The following HS3ST2 variants were observed in gnomAD, a reference collection of about 807,000 sequenced individuals.
The protein encoded by HS3ST2 is heparan sulfate-glucosamine 3-sulfotransferase 2.
HS3ST2 carries 17 observed loss-of-function variants against 26.3 expected under a neutral mutation model. The ratio of observed to expected loss-of-function variants is 0.65; its 90% CI spans 0.44 to 0.97. The LOEUF is 0.97. HS3ST2 is among the 50% of genes least tolerant of loss of function. The pLI, the probability that HS3ST2 is intolerant of heterozygous loss-of-function variation, is 0.00. For synonymous variants in HS3ST2, 237 were observed against 219.2 expected, an observed-to-expected ratio of 1.08 and a Z score of -0.72; for missense variants, 402 against 501.2, an observed-to-expected ratio of 0.80 and a Z score of 1.89.
chr16:22,840,629 G>T (rs1375095989), intron 1 of HS3ST2, among the ~76,000 whole-genome samples: 2 of 152,228 alleles, frequency 1.3e-5, no homozygotes, highest in East Asian at 1.9e-4. Flanking sequence ...TGGTGTCAGG[G>T]TGCATACAAG....
intron 1 of HS3ST2, among the ~76,000 whole-genome samples, chr16:22,834,468 G>A (rs1455872126): frequency 6.6e-6 from 1 of 151,948 alleles, no homozygotes. Context: ...CATTTTAAAT[G>A]CTCAGAATTA....
chr16:22,858,833 T>C (rs1596616737), intron 1 of HS3ST2, among the ~76,000 whole-genome samples: 1 of 152,158 alleles, frequency 6.6e-6, no homozygotes, highest in Non-Finnish European at 1.5e-5. Context: ...ATCAGTATAA[T>C]AAAGAAAGCT....
chr16:22,914,509 T>C (rs1279243449), intron 1 of HS3ST2, among the ~76,000 whole-genome samples: 1 of 151,808 alleles, frequency 6.6e-6, no homozygotes, highest in Non-Finnish European at 1.5e-5. Flanking sequence ...TGTTCGAGAC[T>C]AGCCTGGCAA....
chr16:22,831,479 C>T (rs535333563), intron 1 of HS3ST2, among the ~76,000 whole-genome samples: 2 of 152,110 alleles, frequency 1.3e-5, no homozygotes, highest in South Asian at 4.1e-4. Flanking sequence ...AGATTCAGCT[C>T]CGCAGTATTT....
At chr16:22,871,988 G>A (rs1286444786) in intron 1 of HS3ST2, among the ~76,000 whole-genome samples, 8 of 152,164 alleles carry the variant, frequency 5.3e-5, no homozygotes, top group South Asian at 4.1e-4. Context: ...CCAGTGTAAC[G>A]ATTACAGATG....
chr16:22,855,153 A>G (rs570446003), intron 1 of HS3ST2, among the ~76,000 whole-genome samples: 1 of 152,288 alleles, frequency 6.6e-6, no homozygotes, highest in South Asian at 2.1e-4. Flanking sequence ...CCATTTTATG[A>G]CATTGGCATT....
chr16:22,829,001 G>C (rs1006307320), intron 1 of HS3ST2, among the ~76,000 whole-genome samples: 1 of 152,156 alleles, frequency 6.6e-6, no homozygotes, highest in Non-Finnish European at 1.5e-5. Context: ...AAGTACTCAG[G>C]TCAGAGCCAC....
rs117433747 is a variant in HS3ST2 at position 22,815,145 on chromosome 16, T to C, written c.485+50T>C. On this transcript the variant is annotated intron_variant, in intron 1 of 1. Coordinates refer to ENST00000261374, the MANE Select transcript of HS3ST2 (RefSeq NM_006043.2). ...TGCGCCGGGTCTCTGATCGCTTCCATTGGGAGAGCCATCCGTCTCTTGTGT... is the reference window on the plus strand; with the variant it reads ...TGCGCCGGGTCTCTGATCGCTTCCACTGGGAGAGCCATCCGTCTCTTGTGT... 571 of 1,598,122 alleles carry C rather than the reference T, an allele frequency of 3.6e-4. 4 individuals carry two copies. In the East Asian group the frequency reaches 0.012, roughly 33 times the overall value.
At chr16:22,856,761 T>C (rs1430796083) in intron 1 of HS3ST2, among the ~76,000 whole-genome samples, 1 of 152,168 alleles carries the variant, frequency 6.6e-6, no homozygotes, top group Admixed American at 6.5e-5. Flanking sequence ...AGCTGTACTT[T>C]GCAATCAGGA....
intron 1 of HS3ST2, among the ~76,000 whole-genome samples, chr16:22,913,148 AAGGGAGGGAGGGAGGG>A (rs1187278304): frequency 1.9e-3 from 169 of 88,116 alleles, no homozygotes; most frequent in Admixed American, 4.3e-3. Flanking sequence ...GGAAGGAAGG[AAGGGAGGGAGGGAGGG>A]AGGGAGGGAG....
At chr16:22,894,021 A>G (rs771304101) in intron 1 of HS3ST2, among the ~76,000 whole-genome samples, 4 of 152,104 alleles carry the variant, frequency 2.6e-5, no homozygotes, top group Non-Finnish European at 5.9e-5. Context: ...TGGTCTTACT[A>G]TGTTGCCCAG....
intron 1 of HS3ST2, among the ~76,000 whole-genome samples, chr16:22,886,464 A>G (rs1902060363): frequency 6.6e-6 from 1 of 152,178 alleles, no homozygotes; most frequent in Admixed American, 6.5e-5. Flanking sequence ...GGCCTCACGG[A>G]AAATAGACAG....
intron 1 of HS3ST2, among the ~76,000 whole-genome samples, chr16:22,877,680 G>A (rs1423295110): frequency 1.3e-5 from 2 of 152,196 alleles, no homozygotes; most frequent in Non-Finnish European, 2.9e-5. Context: ...TCATCCTACA[G>A]GATGTATGTA....
intron 1 of HS3ST2, among the ~76,000 whole-genome samples, chr16:22,900,048 A>C (rs1902263051): frequency 6.6e-6 from 1 of 152,188 alleles, no homozygotes; most frequent in Non-Finnish European, 1.5e-5. Flanking sequence ...CCTGGCACCC[A>C]GTGTTGCCTC....
rs756926886 is a variant in HS3ST2 at position 22,864,081 on chromosome 16, C to A, written c.485+48986C>A. Among the ~76,000 whole-genome samples the A allele has an allele frequency of 3.5e-4, 53 of 152,310 alleles. 1 individual carries two copies. Among genetic ancestry groups the A allele is most frequent in the Admixed American group, 2.7e-3 (42 of 15,296 alleles). ...CCTGCAGCATGTAAACTCACCCACC[C>A]TGGACAATTGGATCTTTTGGATTCA... On this transcript the variant is annotated intron_variant, in intron 1 of 1. Coordinates refer to ENST00000261374, the MANE Select transcript of HS3ST2 (RefSeq NM_006043.2).
At chr16:22,857,656 G>A (rs776167203) in intron 1 of HS3ST2, among the ~76,000 whole-genome samples, 1 of 152,068 alleles carries the variant, frequency 6.6e-6, no homozygotes, top group Non-Finnish European at 1.5e-5. Flanking sequence ...ATGATAGCCC[G>A]GACATCAATA....
intron 1 of HS3ST2, among the ~76,000 whole-genome samples, chr16:22,826,706 G>C (rs774409425): frequency 6.6e-6 from 1 of 152,164 alleles, no homozygotes; most frequent in Admixed American, 6.5e-5. Context: ...GAATTGATGA[G>C]TCTGTTCGGG....
At position 22,866,325 on chromosome 16, in the gene HS3ST2, G is replaced by GCA. The variant is rs1320580523; in HGVS notation, c.486-48618_486-48617insAC. Among the ~76,000 whole-genome samples, 1,402 of 148,544 alleles carry GCA rather than the reference G, an allele frequency of 9.4e-3. 24 individuals carry two copies. Among genetic ancestry groups the GCA allele is most frequent in the African/African-American group, 0.034 (1,337 of 39,458 alleles). On this transcript the variant is annotated intron_variant, in intron 1 of 1. Coordinates refer to ENST00000261374, the MANE Select transcript of HS3ST2 (RefSeq NM_006043.2). The stretch of plus-strand genomic sequence containing the variant: ...AATTCGCGCAAGCACGTGCGCGCGC[G>GCA]CGCACACACACACACACACTAACCA...
At chr16:22,841,125 G>A (rs1018335687) in intron 1 of HS3ST2, among the ~76,000 whole-genome samples, 14 of 151,978 alleles carry the variant, frequency 9.2e-5, no homozygotes, top group South Asian at 2.1e-4. Flanking sequence ...GCAATGGCGC[G>A]ATCTCAGCTC....
Sources: gnomAD v4.1 joint callset for allele counts (sites outside exome capture counted in the v4.1 genomes callset) on GRCh38, gnomAD v4.1.1 for gene constraint, MANE v1.5 for transcripts, NCBI Gene and HGNC (gene_info 2026-07-23, HGNC 2026-07-21) for gene names.